SLC12A1: variants seen among roughly 807,000 people sequenced by gnomAD.
SLC12A1 encodes the protein solute carrier family 12 member 1, also known as Na-K-2Cl cotransporter.
In SLC12A1, 89 loss-of-function variants were observed where a neutral mutation model predicts 130.4. The observed-to-expected ratio is 0.68, with a 90% CI of 0.58 to 0.81. The LOEUF (loss-of-function observed/expected upper bound fraction) is 0.81. Among genes scored for constraint, SLC12A1 ranks in the 40% least tolerant of loss-of-function variants. The pLI is 0.00. For synonymous variants in SLC12A1, 499 were observed against 460.0 expected (o/e 1.08, Z -1.09); for missense variants, 1,310 against 1,336.4 (o/e 0.98, Z 0.31).
rs369904844 is a variant in SLC12A1, at chr15:48,249,546, G to A, written c.1685-29G>A. On this transcript the variant is annotated intron_variant, in intron 13 of 26. Transcript: ENST00000380993. ...CAGCCCCTGGTCTCATCACTCATAC[G>A]TACATGTTCAATTCTGTTACTTTTA... 1.7e-4 allele frequency: 269 copies of A among 1,545,702 alleles called. No individual in the cohort carries two copies. The African/African-American group carries it at 3.0e-3, about 17-fold the overall frequency.
intron 23 of SLC12A1, among the ~76,000 whole-genome samples, chr15:48,291,085 G>A (rs1201743807): frequency 1.3e-5 from 2 of 151,594 alleles, no homozygotes; most frequent in African/African-American, 4.8e-5. Context: ...AGAGATAGAA[G>A]TAAATAGATA....
intron 20 of SLC12A1, among the ~76,000 whole-genome samples, chr15:48,276,866 A>G (rs1232188154): frequency 1.3e-5 from 2 of 152,192 alleles, no homozygotes; most frequent in East Asian, 3.8e-4. Flanking sequence ...CAGGTAAACC[A>G]TGGGAGTACA....
chr15:48,252,112 A>T (rs2041655438), intron 15 of SLC12A1, among the ~76,000 whole-genome samples: 1 of 152,156 alleles, frequency 6.6e-6, no homozygotes, highest in Non-Finnish European at 1.5e-5. Flanking sequence ...CTGAGGCAGG[A>T]GAATCACTTG....
At chr15:48,256,376 G>T (rs1376739257) in intron 16 of SLC12A1, among the ~76,000 whole-genome samples, 1 of 152,232 alleles carries the variant, frequency 6.6e-6, no homozygotes, top group Non-Finnish European at 1.5e-5. Context: ...TAAAAATCTT[G>T]CTTGGAGAGG....
chr15:48,252,011 T>C (rs1428816864), intron 15 of SLC12A1, among the ~76,000 whole-genome samples: 1 of 152,124 alleles, frequency 6.6e-6, no homozygotes, highest in Non-Finnish European at 1.5e-5. Flanking sequence ...AAGACCAGCC[T>C]GGCCAACATG....
intron 13 of SLC12A1, among the ~76,000 whole-genome samples, chr15:48,248,847 C>T (rs2041613905): frequency 6.6e-6 from 1 of 152,150 alleles, no homozygotes; most frequent in Non-Finnish European, 1.5e-5. Context: ...AGTTCAAGAC[C>T]AGTGCAGCCT....
chr15:48,232,035 AC>A (rs1180177998), intron 7 of SLC12A1, among the ~76,000 whole-genome samples: 9 of 152,196 alleles, frequency 5.9e-5, no homozygotes, highest in African/African-American at 9.7e-5. Flanking sequence ...AAATAAAAAA[AC>A]ATAAAAGATT....
At chr15:48,292,382 T>C (rs761460171) in intron 24 of SLC12A1, among the ~76,000 whole-genome samples, 5 of 151,924 alleles carry the variant, frequency 3.3e-5, no homozygotes, top group Non-Finnish European at 5.9e-5. Context: ...TCTAAAACTA[T>C]TTGAAGCCTG....
At chr15:48,255,453 A>G (rs1004049245) in intron 15 of SLC12A1, among the ~76,000 whole-genome samples, 55 of 151,370 alleles carry the variant, frequency 3.6e-4, no homozygotes, top group African/African-American at 1.1e-3. Context: ...AAAAAAAAAA[A>G]GAAGAATTTG....
chr15:48,227,520 C>T lies in SLC12A1; in HGVS notation c.724+949C>T, dbSNP rs2041306772. The T allele has an allele frequency of 1.0e-5, 3 of 292,594 alleles. No homozygotes were observed. The South Asian group carries it at 1.2e-4, about 12-fold the overall frequency. 18.1% of individuals were successfully genotyped at this position (292,594 alleles called of 1,614,324 possible). Reference sequence around the variant, plus strand: ...TCTCAGCATGGGTCTTCTCCAATGCCCCAGATGGCATTGCTGATGATTGCC... The same window carrying T: ...TCTCAGCATGGGTCTTCTCCAATGCTCCAGATGGCATTGCTGATGATTGCC... On this transcript the variant is annotated intron_variant, in intron 5 of 26. Transcript: ENST00000380993.
intron 4 of SLC12A1, chr15:48,221,562 G>A (rs2041216601): frequency 6.4e-6 from 3 of 470,778 alleles, no homozygotes; most frequent in Non-Finnish European, 1.1e-5. Context: ...GATAATATGT[G>A]CATTACTGTT....
intron 9 of SLC12A1, among the ~76,000 whole-genome samples, chr15:48,239,245 C>T (rs1345140643): frequency 6.6e-6 from 1 of 152,136 alleles, no homozygotes; most frequent in Non-Finnish European, 1.5e-5. Flanking sequence ...GGCATGGTGG[C>T]TCATGCTTAT....
chr15:48,285,497 C>T (rs2042047870), intron 21 of SLC12A1, among the ~76,000 whole-genome samples: 1 of 152,144 alleles, frequency 6.6e-6, no homozygotes, highest in South Asian at 2.1e-4. Flanking sequence ...GTTTGGAAGT[C>T]AAATAGTGCT....
intron 2 of SLC12A1, among the ~76,000 whole-genome samples, chr15:48,217,648 C>A (rs1388296344): frequency 6.6e-6 from 1 of 151,950 alleles, no homozygotes; most frequent in East Asian, 1.9e-4. Context: ...ATGTGACCTA[C>A]CCAGAAGAAA....
chr15:48,302,656 G>C lies in SLC12A1; in HGVS notation c.3165-94G>C, dbSNP rs952727174. On this transcript the variant is annotated intron_variant, in intron 26 of 26. Coordinates refer to ENST00000380993, the MANE Select transcript of SLC12A1 (RefSeq NM_000338.3). ...AAAAAAAAAAAAAAAAAAAATTAAG[G>C]CTGCCAGTTATTAAATAGCTCAGAA... The C allele has an allele frequency of 8.3e-5, 40 of 482,722 alleles. No homozygotes were observed. In the African/African-American group the frequency reaches 8.3e-4, roughly 10 times the overall value. 29.9% of individuals were successfully genotyped at this position (482,722 alleles called of 1,614,324 possible). A position where few individuals can be genotyped will look rare whatever the true frequency, so the allele number is the denominator to read the frequency against.
At chr15:48,217,670 G>A (rs2041140706) in intron 2 of SLC12A1, among the ~76,000 whole-genome samples, 2 of 152,258 alleles carry the variant, frequency 1.3e-5, no homozygotes, top group Non-Finnish European at 2.9e-5. Flanking sequence ...AATAAGAAAT[G>A]AGCTGTCCCA....
Position 48,285,169 on chromosome 15 carries a change from G to T in SLC12A1, c.2549G>T (p.Cys850Phe), listed in dbSNP as rs950815434. 6.2e-7 allele frequency: 1 copy of T among 1,613,568 alleles called. No homozygotes were observed. Among genetic ancestry groups the T allele is most frequent in the Non-Finnish European group, 8.5e-7 (1 of 1,179,682 alleles). Reference sequence around the variant, plus strand: ...GAAGCGACTATCAAAGATAATGAGTGTGAAGAGGAAAGTGGAGGCATCCGA... The same window carrying T: ...GAAGCGACTATCAAAGATAATGAGTTTGAAGAGGAAAGTGGAGGCATCCGA... ...ALEATIKDNE[C>F]EEESGGIRGL... is the part of the protein sequence containing the mutation. Residue 850 changes from cysteine (C) to phenylalanine (F), a missense_variant, in exon 21 of 27, where the codon TGT (cysteine) becomes TTT (phenylalanine). Transcript: ENST00000380993.
intron 16 of SLC12A1, 41 bp downstream of exon 16, chr15:48,255,951 T>C (rs1179776806): frequency 1.7e-6 from 2 of 1,207,022 alleles, no homozygotes; most frequent in South Asian, 1.3e-5. Flanking sequence ...TTTTCCACCC[T>C]AGAAGTGGCT....
chr15:48,281,492 A>T (rs1165340628), intron 20 of SLC12A1, among the ~76,000 whole-genome samples: 2 of 152,234 alleles, frequency 1.3e-5, no homozygotes, highest in Non-Finnish European at 2.9e-5. Context: ...GAAAACATGC[A>T]GACTGGGTGT....
Sources: gnomAD v4.1 joint callset for allele counts (sites outside exome capture counted in the v4.1 genomes callset) on GRCh38, gnomAD v4.1.1 for gene constraint, MANE v1.5 for transcripts, NCBI Gene and HGNC (gene_info 2026-07-23, HGNC 2026-07-21) for gene names.